The following PDE1C variants were observed in gnomAD, a reference collection of about 807,000 sequenced individuals.
PDE1C encodes the protein phosphodiesterase 1C.
PDE1C carries 62 observed loss-of-function variants against 93.1 expected under a neutral mutation model. The ratio of observed to expected loss-of-function variants is 0.67; its 90% confidence interval spans 0.54 to 0.82. The LOEUF is 0.82. PDE1C is among the 40% of genes least tolerant of loss of function. The probability of loss-of-function intolerance (pLI) is 0.00; values close to 1 mark genes in which losing one functional copy is unlikely to be tolerated. For missense variants in PDE1C, 742 were observed against 884.6 expected (o/e 0.84, Z 2.04); for synonymous variants, 325 against 310.1 (o/e 1.05, Z -0.50).
At chr7:31,626,309 T>G in the PDE1C span, among the ~76,000 whole-genome samples, 3 of 152,218 alleles carry the variant, frequency 2.0e-5, no homozygotes, top group Non-Finnish European at 4.4e-5. Context: ...GCATAACTCC[T>G]TTTGAAGAGT....
chr7:32,410,001 A>C (rs1218272332), intron 1 of PDE1C, among the ~76,000 whole-genome samples: 2 of 152,106 alleles, frequency 1.3e-5, no homozygotes, highest in Admixed American at 6.6e-5. Context: ...GTAATTATGA[A>C]TATAACTAAA....
rs386409845 is a variant in PDE1C at position 32,388,704 on chromosome 7, A to AG, written c.310+39117_310+39118insC. Among the ~76,000 whole-genome samples, 1,294 of 149,782 alleles carry AG rather than the reference A, an allele frequency of 8.6e-3. 22 individuals carry two copies. Among genetic ancestry groups the AG allele is most frequent in the African/African-American group, 0.03 (1,219 of 40,316 alleles). On this transcript the variant is annotated intron_variant, in intron 1 of 1. Coordinates refer to the PDE1C transcript ENST00000672256. ...AAAAAAAAAAAAAAAAAAAAAAAAA[A>AG]TTAAGACAAAAAATCTATTGTCAGT...
At position 31,777,142 on chromosome 7, in the gene PDE1C, A is replaced by C. The variant is rs1024390678; in HGVS notation, c.1892-1410T>G. On this transcript the variant is annotated intron_variant, in intron 16 of 17. Transcript: ENST00000396191. ...TGTACCCTAAAACTTAAAGTATAAT[A>C]AAAAAAAAAGAAAGAAACAATTAGT... Among the ~76,000 whole-genome samples the C allele has an allele frequency of 3.7e-4, 50 of 135,322 alleles. 1 individual carries two copies. The highest frequency in any genetic ancestry group is 1.5e-3 in the African/African-American group (50 of 33,372). The allele number at this position is 135,322 out of a possible 152,430, so 88.8% of individuals were successfully genotyped here.
chr7:32,128,930 TATATATATATATATATATATATAA>T lies in PDE1C; in HGVS notation c.308+40831_308+40854del, dbSNP rs1377998477. ...AAATATATATATATATATATATATA[TATATATATATATATATATATATAA>T]AGAAAAATCTAAAAAAAACAGAAAA... On this transcript the variant is annotated intron_variant, in intron 3 of 18. Coordinates refer to the PDE1C transcript ENST00000396193. Among the ~76,000 whole-genome samples, 743 of 102,010 alleles carry T rather than the reference TATATATATATATATATATATATAA, an allele frequency of 7.3e-3. 34 individuals are homozygous for T. Among genetic ancestry groups the T allele is most frequent in the African/African-American group, 0.03 (685 of 23,134 alleles). 66.9% of individuals were successfully genotyped at this position (102,010 alleles called of 152,430 possible). A position where few individuals can be genotyped will look rare whatever the true frequency, so the allele number is the denominator to read the frequency against.
At chr7:32,257,104 A>C (rs182290719) in intron 1 of PDE1C, among the ~76,000 whole-genome samples, 1 of 152,354 alleles carries the variant, frequency 6.6e-6, no homozygotes, top group African/African-American at 2.4e-5. Context: ...GATCTCACAG[A>C]TAAGCCTCTC....
chr7:32,223,162 A>T (rs190227995), intron 1 of PDE1C, among the ~76,000 whole-genome samples: 1 of 152,284 alleles, frequency 6.6e-6, no homozygotes, highest in African/African-American at 2.4e-5. Context: ...TCCAGAGTTC[A>T]TCTTCTCCTC....
At chr7:31,745,628 T>A in the PDE1C span, among the ~76,000 whole-genome samples, 1 of 152,072 alleles carries the variant, frequency 6.6e-6, no homozygotes, top group East Asian at 1.9e-4. Flanking sequence ...CAACTAAGAT[T>A]TCCAAAGGCA....
chr7:31,644,006 C>A, the PDE1C span: 1,391 of 1,469,560 alleles, frequency 9.5e-4, 6 homozygotes, highest in Non-Finnish European at 1.1e-3. Flanking sequence ...GTGATAAACA[C>A]CTCAGGGATA....
chr7:32,038,922 TCATGCTCC>T (rs1791466393), intron 2 of PDE1C, among the ~76,000 whole-genome samples: 1 of 152,146 alleles, frequency 6.6e-6, no homozygotes, highest in Non-Finnish European at 1.5e-5. Flanking sequence ...GATCTCAAAA[TCATGCTCC>T]CAGAACATGT....
At chr7:31,695,228 C>T in the PDE1C span, among the ~76,000 whole-genome samples, 1 of 152,146 alleles carries the variant, frequency 6.6e-6, no homozygotes, top group Non-Finnish European at 1.5e-5. Flanking sequence ...CCTCGGTGAT[C>T]CATCCATTTG....
At chr7:31,640,614 ACTGT>A in the PDE1C span, among the ~76,000 whole-genome samples, 5 of 151,276 alleles carry the variant, frequency 3.3e-5, no homozygotes, top group South Asian at 2.1e-4. Flanking sequence ...GCTGTCTGTA[ACTGT>A]CTGAGGTCCA....
intron 1 of PDE1C, among the ~76,000 whole-genome samples, chr7:32,251,243 C>A (rs1809350811): frequency 6.7e-6 from 1 of 150,176 alleles, no homozygotes; most frequent in Non-Finnish European, 1.5e-5. Flanking sequence ...TCCAGGCAGA[C>A]CTAGACCTGA....
intron 3 of PDE1C, among the ~76,000 whole-genome samples, chr7:32,147,816 C>A (rs1239031821): frequency 1.3e-5 from 2 of 151,812 alleles, no homozygotes; most frequent in Non-Finnish European, 2.9e-5. Flanking sequence ...TTTGAAAGGG[C>A]CTTAACTGGC....
intron 16 of PDE1C, among the ~76,000 whole-genome samples, chr7:31,807,080 C>T (rs574375418): frequency 6.6e-6 from 1 of 151,770 alleles, no homozygotes; most frequent in East Asian, 2.0e-4. Context: ...TAAAATAGTG[C>T]AAGTCACTGA....
chr7:32,173,309 A>C (rs897162062), intron 2 of PDE1C, among the ~76,000 whole-genome samples: 4 of 152,092 alleles, frequency 2.6e-5, no homozygotes, highest in Non-Finnish European at 5.9e-5. Context: ...GGAGTTGAAC[A>C]GTGAGAACAC....
chr7:31,634,561 G>C, the PDE1C span, among the ~76,000 whole-genome samples: 1 of 152,160 alleles, frequency 6.6e-6, no homozygotes, highest in Non-Finnish European at 1.5e-5. Flanking sequence ...CTCCAGTAGA[G>C]CAGGCTTCAA....
intron 2 of PDE1C, among the ~76,000 whole-genome samples, chr7:31,969,686 T>C (rs1043632700): frequency 6.6e-6 from 1 of 152,202 alleles, no homozygotes; most frequent in Admixed American, 6.5e-5. Flanking sequence ...TAAAGACACA[T>C]GCACACATAT....
the PDE1C span, among the ~76,000 whole-genome samples, chr7:31,725,355 T>C: frequency 1.3e-5 from 2 of 152,196 alleles, no homozygotes; most frequent in Non-Finnish European, 2.9e-5. Flanking sequence ...CATGATTTAT[T>C]GCAATTTCTG....
intron 3 of PDE1C, among the ~76,000 whole-genome samples, chr7:32,152,736 T>A (rs537018130): frequency 1.3e-5 from 2 of 152,302 alleles, no homozygotes; most frequent in African/African-American, 4.8e-5. Flanking sequence ...TGTCCAGCAA[T>A]AGTGATGTGG....
Sources: allele counts gnomAD v4.1 joint callset (sites outside exome capture counted in the v4.1 genomes callset), GRCh38; gene constraint gnomAD v4.1.1; transcripts MANE v1.5; gene names NCBI Gene and HGNC (gene_info 2026-07-23, HGNC 2026-07-21).